The following CDK14 variants were observed in gnomAD, a reference collection of about 807,000 sequenced individuals.
The protein encoded by CDK14 is cyclin dependent kinase 14.
A neutral mutation model predicts 60.7 loss-of-function variants in CDK14; 34 were observed. The ratio of observed to expected loss-of-function variants is 0.56; its 90% CI spans 0.43 to 0.75. The LOEUF (loss-of-function observed/expected upper bound fraction) is 0.75, where lower values mean the gene tolerates loss of function less well. CDK14 is among the 30% of genes least tolerant of loss of function. The pLI is 0.00. For synonymous variants in CDK14, 197 were observed against 203.7 expected, an observed-to-expected ratio of 0.97 and a Z score of 0.28; for missense variants, 482 against 564.1, an observed-to-expected ratio of 0.85 and a Z score of 1.47.
intron 7 of CDK14, among the ~76,000 whole-genome samples, chr7:90,911,198 A>G (rs1362869069): frequency 1.3e-5 from 2 of 152,178 alleles, no homozygotes; most frequent in Non-Finnish European, 2.9e-5. Context: ...TATCGTAGTA[A>G]GCACTCAATA....
At chr7:91,140,797 C>T (rs1800433086) in intron 14 of CDK14, among the ~76,000 whole-genome samples, 1 of 152,092 alleles carries the variant, frequency 6.6e-6, no homozygotes, top group Non-Finnish European at 1.5e-5. Flanking sequence ...GTAACAAGTA[C>T]TCAGTGACTG....
At chr7:90,989,302 T>TG (rs1258223335) in intron 10 of CDK14, among the ~76,000 whole-genome samples, 1 of 152,174 alleles carries the variant, frequency 6.6e-6, no homozygotes, top group East Asian at 1.9e-4. Flanking sequence ...TTCAAGTGGA[T>TG]GTATTATAAC....
At position 90,878,624 on chromosome 7, in the gene CDK14, T is replaced by C. The variant is rs143324840; in HGVS notation, c.639+15355T>C. On this transcript the variant is annotated intron_variant, in intron 6 of 14. Coordinates refer to ENST00000380050, the MANE Select transcript of CDK14 (RefSeq NM_001287135.2). ...AACCCTTCAGTTTAACATGGATTTGTTATCTTTTAGAGAAGTCACTGACAA... is the reference window on the plus strand; with the variant it reads ...AACCCTTCAGTTTAACATGGATTTGCTATCTTTTAGAGAAGTCACTGACAA... Among the ~76,000 whole-genome samples, 464 of 152,354 alleles carry C rather than the reference T, an allele frequency of 3.0e-3. 4 individuals carry two copies. The highest frequency in any genetic ancestry group is 0.011 in the African/African-American group (442 of 41,582).
At chr7:90,639,835 C>A (rs982495636) in intron 2 of CDK14, among the ~76,000 whole-genome samples, 2 of 152,138 alleles carry the variant, frequency 1.3e-5, no homozygotes, top group Non-Finnish European at 2.9e-5. Flanking sequence ...GGGCGCCCCT[C>A]CCCCAGCCTG....
intron 3 of CDK14, among the ~76,000 whole-genome samples, chr7:90,735,984 C>T (rs963795779): frequency 2.5e-4 from 38 of 152,176 alleles, no homozygotes; most frequent in African/African-American, 7.5e-4. Flanking sequence ...CCTGGTCTTC[C>T]GGTTGCAAAC....
chr7:91,194,500 G>T (rs1007516004), intron 14 of CDK14, among the ~76,000 whole-genome samples: 5 of 151,788 alleles, frequency 3.3e-5, no homozygotes, highest in Non-Finnish European at 7.4e-5. Flanking sequence ...AGGCTGTGGG[G>T]GTTTTTCCCC....
chr7:90,892,277 T>G (rs1792158303), intron 6 of CDK14, among the ~76,000 whole-genome samples: 1 of 152,192 alleles, frequency 6.6e-6, no homozygotes, highest in South Asian at 2.1e-4. Flanking sequence ...CTCTCTGTCC[T>G]CCTCTTTTAA....
chr7:90,942,114 C>G (rs531820933), intron 8 of CDK14, among the ~76,000 whole-genome samples: 80 of 152,130 alleles, frequency 5.3e-4, no homozygotes, highest in Non-Finnish European at 9.9e-4. Context: ...CTTAGAGGAT[C>G]AGTCTCAGTG....
At chr7:90,858,222 A>C (rs1790893004) in intron 5 of CDK14, among the ~76,000 whole-genome samples, 1 of 152,178 alleles carries the variant, frequency 6.6e-6, no homozygotes, top group South Asian at 2.1e-4. Context: ...TCAAGAAAAA[A>C]CATTTTCTTC....
At chr7:90,750,383 C>G (rs1803789623) in intron 4 of CDK14, among the ~76,000 whole-genome samples, 1 of 152,054 alleles carries the variant, frequency 6.6e-6, no homozygotes, top group Non-Finnish European at 1.5e-5. Context: ...AATTCCTGAC[C>G]AAAATGGAAA....
At chr7:91,009,113 G>A (rs1256865548) in intron 10 of CDK14, among the ~76,000 whole-genome samples, 1 of 152,010 alleles carries the variant, frequency 6.6e-6, no homozygotes, top group African/African-American at 2.4e-5. Flanking sequence ...GGAAACATAA[G>A]TTATCTACTT....
At chr7:90,731,958 A>G (rs1376367087) in intron 3 of CDK14, among the ~76,000 whole-genome samples, 1 of 152,158 alleles carries the variant, frequency 6.6e-6, no homozygotes, top group African/African-American at 2.4e-5. Flanking sequence ...CTTATTCAGT[A>G]TGATACTGGT....
intron 2 of CDK14, among the ~76,000 whole-genome samples, chr7:90,652,482 A>T (rs28514793): frequency 5.3e-5 from 8 of 152,192 alleles, no homozygotes; most frequent in African/African-American, 1.9e-4. Flanking sequence ...ACACAGCTCT[A>T]TATCAGGTAG....
intron 14 of CDK14, among the ~76,000 whole-genome samples, chr7:91,171,359 A>T (rs1283765533): frequency 3.3e-5 from 5 of 152,090 alleles, no homozygotes; most frequent in East Asian, 1.9e-4. Flanking sequence ...AAAAAAAATT[A>T]AAAAATAAAA....
chr7:91,209,113 T>A lies in CDK14; in HGVS notation c.*1977T>A, dbSNP rs762108744. Reference sequence around the variant, plus strand: ...TCATTTGGAGAAGAGGCATGACCTTTGTATTTCACTAAGTTTAAAGCAAGA... The same window carrying A: ...TCATTTGGAGAAGAGGCATGACCTTAGTATTTCACTAAGTTTAAAGCAAGA... On this transcript the variant is annotated 3_prime_UTR_variant, in exon 15 of 15. Transcript: ENST00000380050. The A allele has an allele frequency of 6.6e-6, 1 of 152,522 alleles. No homozygotes were observed. Among genetic ancestry groups the A allele is most frequent in the Non-Finnish European group, 1.5e-5 (1 of 68,044 alleles). 9.4% of individuals were successfully genotyped at this position (152,522 alleles called of 1,614,324 possible).
intron 5 of CDK14, among the ~76,000 whole-genome samples, chr7:90,848,837 G>A (rs1462583403): frequency 6.6e-6 from 1 of 152,122 alleles, no homozygotes; most frequent in Non-Finnish European, 1.5e-5. Context: ...CATCTAGTGG[G>A]TTTCATTGGG....
chr7:91,117,103 T>G (rs1426430234), intron 13 of CDK14, among the ~76,000 whole-genome samples: 1 of 146,106 alleles, frequency 6.8e-6, no homozygotes, highest in Non-Finnish European at 1.5e-5. Flanking sequence ...CTCTCACACT[T>G]AATCTTACCA....
chr7:90,625,776 C>T (rs995025647), intron 2 of CDK14, among the ~76,000 whole-genome samples: 2 of 152,152 alleles, frequency 1.3e-5, no homozygotes, highest in Non-Finnish European at 2.9e-5. Context: ...TGGGATTGTT[C>T]CCCCGGCCAG....
At chr7:90,969,603 A>T (rs1300787637) in intron 9 of CDK14, among the ~76,000 whole-genome samples, 2 of 152,202 alleles carry the variant, frequency 1.3e-5, no homozygotes, top group Admixed American at 6.5e-5. Context: ...GAAATTAAAG[A>T]TGTGCAAGGC....
Sources: allele counts gnomAD v4.1 joint callset (sites outside exome capture counted in the v4.1 genomes callset), GRCh38; gene constraint gnomAD v4.1.1; transcripts MANE v1.5; gene names NCBI Gene and HGNC (gene_info 2026-07-23, HGNC 2026-07-21).